The following APBA2 variants were observed in gnomAD, a reference collection of about 807,000 sequenced individuals.
The protein encoded by APBA2 is amyloid-beta A4 precursor protein-binding family A member 2.
APBA2 carries 30 observed loss-of-function variants against 75.0 expected under a neutral mutation model. The observed-to-expected ratio is 0.40, with a 90% confidence interval of 0.30 to 0.54. The LOEUF is 0.54. Ranked by LOEUF, APBA2 falls within the 20% of genes least tolerant of loss-of-function variation. The pLI is 0.49. For missense variants in APBA2, 801 were observed against 1,016.1 expected (o/e 0.79, Z 2.88); for synonymous variants, 444 against 409.6 (o/e 1.08, Z -1.01).
At chr15:29,072,210 G>GT (rs1566972921) in intron 4 of APBA2, among the ~76,000 whole-genome samples, 1 of 152,094 alleles carries the variant, frequency 6.6e-6, no homozygotes, top group Non-Finnish European at 1.5e-5. Context: ...TTTCTTTGGG[G>GT]TTTTTTTGGA....
chr15:28,948,665 T>A (rs1422753658), intron 2 of APBA2, among the ~76,000 whole-genome samples: 1 of 152,222 alleles, frequency 6.6e-6, no homozygotes, highest in African/African-American at 2.4e-5. Flanking sequence ...TGTTTTGTGG[T>A]CTTACTGTAC....
At chr15:28,951,881 C>CTTTTTTTTTTTTTTTTTTTTTTTTT (rs71414600) in intron 2 of APBA2, among the ~76,000 whole-genome samples, 1 of 109,824 alleles carries the variant, frequency 9.1e-6, no homozygotes, top group African/African-American at 3.8e-5. Context: ...TGCACTCAGC[C>CTTTTTTTTTTTTTTTTTTTTTTTTT]TTTTTTTTTT....
chr15:29,005,325 A>G (rs1352945456), intron 3 of APBA2, among the ~76,000 whole-genome samples: 1 of 151,942 alleles, frequency 6.6e-6, no homozygotes, highest in East Asian at 1.9e-4. Context: ...CAGTGCTGCA[A>G]TCTCAGCTCA....
At chr15:28,914,570 T>C (rs1253971395) in intron 1 of APBA2, among the ~76,000 whole-genome samples, 1 of 152,032 alleles carries the variant, frequency 6.6e-6, no homozygotes, top group Non-Finnish European at 1.5e-5. Context: ...CCTCCTCCCG[T>C]GCAGTGCATG....
At chr15:29,036,461 T>C (rs2040757594) in intron 3 of APBA2, among the ~76,000 whole-genome samples, 2 of 152,122 alleles carry the variant, frequency 1.3e-5, no homozygotes, top group South Asian at 4.1e-4. Context: ...GCAGTGCTGC[T>C]GAGCCAAGGG....
At chr15:29,112,498 T>A (rs546029300) in intron 13 of APBA2, among the ~76,000 whole-genome samples, 1 of 152,154 alleles carries the variant, frequency 6.6e-6, no homozygotes. Flanking sequence ...AGTCTGTGCT[T>A]CTCCCATCCC....
chr15:28,982,921 T>G (rs531218131), intron 2 of APBA2, among the ~76,000 whole-genome samples: 20 of 152,340 alleles, frequency 1.3e-4, no homozygotes, highest in African/African-American at 4.8e-4. Context: ...GATGTCTATG[T>G]AGAAATGAAA....
At chr15:28,935,367 G>C (rs549241043) in intron 2 of APBA2, among the ~76,000 whole-genome samples, 17 of 151,892 alleles carry the variant, frequency 1.1e-4, no homozygotes, top group Non-Finnish European at 1.6e-4. Flanking sequence ...TGCAGTTTAG[G>C]GTCCAGGCGG....
intron 13 of APBA2, among the ~76,000 whole-genome samples, chr15:29,111,886 G>C (rs1190105908): frequency 6.6e-6 from 1 of 152,188 alleles, no homozygotes; most frequent in Non-Finnish European, 1.5e-5. Flanking sequence ...GAGACCCGAG[G>C]GTGCTGGCTA....
chr15:29,105,200 G>A (rs1423216021), intron 10 of APBA2, among the ~76,000 whole-genome samples, 179 bp from the exon 11 acceptor site: 4 of 152,212 alleles, frequency 2.6e-5, no homozygotes, highest in Admixed American at 2.6e-4. Flanking sequence ...GTGGGAGACA[G>A]CCTTCATCAG....
chr15:29,012,590 A>G (rs188670821), intron 3 of APBA2, among the ~76,000 whole-genome samples: 1 of 152,222 alleles, frequency 6.6e-6, no homozygotes, highest in East Asian at 1.9e-4. Flanking sequence ...TTATTTTCTC[A>G]TTCATTTATT....
At position 29,046,557 on chromosome 15, in the gene APBA2, C is replaced by A. The variant is rs980160341; in HGVS notation, c.-40-7288C>A. Among the ~76,000 whole-genome samples the A allele has an allele frequency of 6.6e-6, 1 of 152,216 alleles. No homozygotes were observed. The highest frequency in any genetic ancestry group is 2.4e-5 in the African/African-American group (1 of 41,454). ...CCATTCCCTGGGCCGTCATCAGAGA[C>A]CTGCAAGCATCTACTTAGGGCAGAG... On this transcript the variant is annotated intron_variant, in intron 3 of 14. Coordinates refer to ENST00000683413, the MANE Select transcript of APBA2 (RefSeq NM_001353788.2). The surrounding 1 kb of genome is among the most constrained non-coding windows in gnomAD (Gnocchi z 5.0).
rs369102483 is a variant in APBA2 at position 29,093,667 on chromosome 15, C to T, written c.1215+447C>T. Among the ~76,000 whole-genome samples, 6 of 152,254 alleles carry T rather than the reference C, an allele frequency of 3.9e-5. No homozygotes were observed. The East Asian group carries it at 5.8e-4, about 15-fold the overall frequency. On this transcript the variant is annotated intron_variant, in intron 7 of 14. Coordinates refer to ENST00000683413, the MANE Select transcript of APBA2 (RefSeq NM_001353788.2). Reference sequence around the variant, plus strand: ...CATTGGATTGTCTGGTTTTGAACATCGGGTGAGGCCGGGCAAGGGGAAGAT... The same window carrying T: ...CATTGGATTGTCTGGTTTTGAACATTGGGTGAGGCCGGGCAAGGGGAAGAT...
chr15:28,896,095 A>G (rs1165632117), intron 1 of APBA2, among the ~76,000 whole-genome samples: 2 of 152,132 alleles, frequency 1.3e-5, no homozygotes, highest in East Asian at 1.9e-4. Flanking sequence ...CCTGGGTGAC[A>G]GTGAGAACCT....
intron 2 of APBA2, chr15:28,970,589 A>G (rs1233188367): frequency 6.6e-6 from 1 of 150,954 alleles, no homozygotes; most frequent in Non-Finnish European, 1.5e-5. Context: ...TTGGAAACAT[A>G]CTTTACTTTT....
intron 3 of APBA2, among the ~76,000 whole-genome samples, chr15:29,027,995 T>A (rs527356804): frequency 4.3e-4 from 66 of 152,072 alleles, no homozygotes; most frequent in African/African-American, 1.4e-3. Flanking sequence ...TTTTTTTTTT[T>A]AATTTAATTT....
intron 3 of APBA2, among the ~76,000 whole-genome samples, chr15:29,024,533 C>T (rs890900141): frequency 5.3e-5 from 8 of 152,162 alleles, no homozygotes; most frequent in East Asian, 3.9e-4. Flanking sequence ...CAGAGACTCA[C>T]GTGGACCAGC....
intron 1 of APBA2, among the ~76,000 whole-genome samples, chr15:28,893,202 A>T (rs1031370480): frequency 6.6e-6 from 1 of 152,184 alleles, no homozygotes; most frequent in African/African-American, 2.4e-5. Context: ...GGGCACGTGG[A>T]GATCTGTGTC....
intron 13 of APBA2, among the ~76,000 whole-genome samples, chr15:29,112,191 G>T (rs1488273677): frequency 6.6e-6 from 1 of 152,228 alleles, no homozygotes. Context: ...GGTGGGCAGG[G>T]ACTGGGGTTC....
Sources: allele counts gnomAD v4.1 joint callset (sites outside exome capture counted in the v4.1 genomes callset), GRCh38; gene constraint gnomAD v4.1.1; non-coding constraint Gnocchi (gnomAD v3.1); transcripts MANE v1.5; gene names NCBI Gene and HGNC (gene_info 2026-07-23, HGNC 2026-07-21).